The following TUSC3 variants were observed in gnomAD, a reference collection of about 807,000 sequenced individuals.
TUSC3 encodes the protein dolichyl-diphosphooligosaccharide--protein glycosyltransferase subunit TUSC3.
Under a neutral mutation model 44.8 loss-of-function variants are expected in TUSC3, and 45 were observed. That is an observed-to-expected ratio of 1.00 (90% CI 0.79 to 1.29). The LOEUF (loss-of-function observed/expected upper bound fraction) is 1.29. Among genes scored for constraint, TUSC3 ranks in the 50% most tolerant of loss-of-function variants. The pLI, the probability that TUSC3 is intolerant of heterozygous loss-of-function variation, is 0.00. For missense variants in TUSC3, 519 were observed against 437.9 expected (o/e 1.19, Z -1.65); for synonymous variants, 212 against 152.9 (o/e 1.39, Z -2.85).
At chr8:15,455,877 A>G (rs945401146) in intron 1 of TUSC3, among the ~76,000 whole-genome samples, 9 of 152,178 alleles carry the variant, frequency 5.9e-5, no homozygotes, top group African/African-American at 2.2e-4. Flanking sequence ...GATAGAGGAG[A>G]CTGAATTCTG....
the TUSC3 span, among the ~76,000 whole-genome samples, chr8:15,783,771 A>G: frequency 1.3e-5 from 2 of 152,202 alleles, no homozygotes; most frequent in African/African-American, 4.8e-5. Context: ...AACAAAGGAG[A>G]AAAAGCTTCA....
intron 1 of TUSC3, among the ~76,000 whole-genome samples, chr8:15,447,770 T>C (rs1800125882): frequency 2.0e-5 from 3 of 151,716 alleles, no homozygotes; most frequent in Admixed American, 6.6e-5. Flanking sequence ...AAATCAAGTG[T>C]ACATGATGTA....
chr8:15,777,896 GAA>G, the TUSC3 span, among the ~76,000 whole-genome samples: 892 of 152,090 alleles, frequency 5.9e-3, 9 homozygotes, highest in African/African-American at 0.02. Context: ...TCCCTTGGAG[GAA>G]TTAGTTTAAC....
At position 15,483,949 on chromosome 8, in the gene TUSC3, G is replaced by A. The variant is rs187924671; in HGVS notation, n.189+466G>A. ...TGGGATTACAGGCGTGAGCCACCGC[G>A]CCTGGCCTGTGATTTTTAACTATGT... On this transcript the variant is annotated intron_variant and non_coding_transcript_variant, in intron 2 of 5. Coordinates refer to the TUSC3 transcript ENST00000503191. Among the ~76,000 whole-genome samples, 384 of 152,082 alleles carry A rather than the reference G, an allele frequency of 2.5e-3. 2 individuals carry two copies. The highest frequency in any genetic ancestry group is 8.2e-3 in the African/African-American group (340 of 41,492).
chr8:15,757,767 AT>A, intron 9 of TUSC3, 23 bp from the exon 10 acceptor site: 1 of 1,477,318 alleles, frequency 6.8e-7, no homozygotes, highest in Non-Finnish European at 9.5e-7. Context: ...ATATTGTTGT[AT>A]TTCATTGTGG....
chr8:15,829,314 G>C, the TUSC3 span, among the ~76,000 whole-genome samples: 1 of 152,160 alleles, frequency 6.6e-6, no homozygotes, highest in Non-Finnish European at 1.5e-5. Flanking sequence ...GAAAGTGCCA[G>C]ACTGCGATTA....
chr8:15,669,231 A>C (rs762395758), intron 5 of TUSC3, among the ~76,000 whole-genome samples: 1 of 151,828 alleles, frequency 6.6e-6, no homozygotes, highest in Non-Finnish European at 1.5e-5. Flanking sequence ...AAGTCTTCAT[A>C]CTCCAGTATG....
At chr8:15,730,758 A>G (rs766499456) in intron 7 of TUSC3, 29 bp downstream of exon 7, 1 of 1,606,008 alleles carries the variant, frequency 6.2e-7, no homozygotes, top group South Asian at 1.1e-5. Flanking sequence ...GACGAATTGA[A>G]AAGGGCAAAC....
intron 3 of TUSC3, among the ~76,000 whole-genome samples, chr8:15,658,335 C>G (rs916419272): frequency 2.0e-5 from 3 of 152,042 alleles, no homozygotes; most frequent in African/African-American, 7.2e-5. Context: ...TTGGAGCTGT[C>G]TTGTAAATAA....
chr8:15,679,956 G>A (rs1422786544), intron 6 of TUSC3, among the ~76,000 whole-genome samples: 2 of 152,032 alleles, frequency 1.3e-5, no homozygotes, highest in African/African-American at 4.8e-5. Flanking sequence ...GTCTATTTTT[G>A]TACCAATACC....
At chr8:15,518,934 T>C (rs1383711253) in intron 2 of TUSC3, among the ~76,000 whole-genome samples, 2 of 152,194 alleles carry the variant, frequency 1.3e-5, no homozygotes, top group African/African-American at 4.8e-5. Context: ...TCAGTGAACT[T>C]TGCCCATGAT....
intron 6 of TUSC3, among the ~76,000 whole-genome samples, chr8:15,687,769 C>T (rs1210003100): frequency 6.6e-6 from 1 of 152,182 alleles, no homozygotes; most frequent in Admixed American, 6.5e-5. Flanking sequence ...ATAAATGATA[C>T]TGCATAGATA....
chr8:15,495,558 T>C (rs145703580), intron 2 of TUSC3, among the ~76,000 whole-genome samples: 3 of 152,270 alleles, frequency 2.0e-5, no homozygotes, highest in African/African-American at 7.2e-5. Context: ...TGACTACTCA[T>C]ATTCTTTGTC....
At chr8:15,465,236 A>G (rs970199096) in intron 1 of TUSC3, among the ~76,000 whole-genome samples, 1 of 152,196 alleles carries the variant, frequency 6.6e-6, no homozygotes, top group Non-Finnish European at 1.5e-5. Flanking sequence ...ACTCTCTAAA[A>G]GCAAAAATGC....
intron 6 of TUSC3, among the ~76,000 whole-genome samples, chr8:15,725,795 T>C (rs1810474427): frequency 6.6e-6 from 1 of 152,196 alleles, no homozygotes; most frequent in Admixed American, 6.5e-5. Flanking sequence ...GACAGAGAAT[T>C]GACTTCAGGG....
chr8:15,744,254 G>T (rs553374629), intron 8 of TUSC3, among the ~76,000 whole-genome samples: 1 of 152,206 alleles, frequency 6.6e-6, no homozygotes, highest in African/African-American at 2.4e-5. Context: ...TCTCAGAGTT[G>T]TAGAAAAACA....
intron 2 of TUSC3, among the ~76,000 whole-genome samples, chr8:15,649,650 T>G (rs1352070608): frequency 6.6e-6 from 1 of 152,038 alleles, no homozygotes; most frequent in Non-Finnish European, 1.5e-5. Flanking sequence ...TTTTTAAATC[T>G]CCAGCCTCTG....
At chr8:15,652,311 C>G (rs543740604) in intron 3 of TUSC3, among the ~76,000 whole-genome samples, 16 of 152,262 alleles carry the variant, frequency 1.1e-4, no homozygotes, top group Middle Eastern at 3.4e-3. Flanking sequence ...AACATTTTTA[C>G]TTATTTGCAT....
chr8:15,837,237 C>T, the TUSC3 span, among the ~76,000 whole-genome samples: 6 of 151,828 alleles, frequency 4.0e-5, 1 homozygote, highest in South Asian at 4.1e-4. Context: ...TAAAAAATCA[C>T]GTAACTTATT....
Sources: gnomAD v4.1 joint callset for allele counts (sites outside exome capture counted in the v4.1 genomes callset) on GRCh38, gnomAD v4.1.1 for gene constraint, MANE v1.5 for transcripts, NCBI Gene and HGNC (gene_info 2026-07-23, HGNC 2026-07-21) for gene names.